The following RALGAPA1 variants were observed in gnomAD, a reference collection of about 807,000 sequenced individuals.
The protein encoded by RALGAPA1 is Ral GTPase activating protein catalytic subunit alpha 1.
RALGAPA1 carries 52 observed loss-of-function variants against 269.6 expected under a neutral mutation model. That is an observed-to-expected ratio of 0.19 (90% CI 0.15 to 0.24). The LOEUF is 0.24. Among genes scored for constraint, RALGAPA1 ranks in the 10% least tolerant of loss-of-function variants. RALGAPA1 has a pLI of 1.00. For missense variants in RALGAPA1, 1,917 were observed against 3,013.9 expected (o/e 0.64, Z 8.52); for synonymous variants, 817 against 1,008.3 (o/e 0.81, Z 3.60).
intron 35 of RALGAPA1, among the ~76,000 whole-genome samples, chr14:35,622,808 A>G (rs1251441619): frequency 6.6e-6 from 1 of 152,236 alleles, no homozygotes; most frequent in Non-Finnish European, 1.5e-5. Flanking sequence ...ATAAAGATCT[A>G]GAAGGACAGG....
intron 12 of RALGAPA1, among the ~76,000 whole-genome samples, chr14:35,736,627 A>G (rs189692674): frequency 1.2e-4 from 19 of 152,312 alleles, no homozygotes; most frequent in African/African-American, 4.3e-4. Flanking sequence ...GGAAGGAATG[A>G]TCTACTCTGT....
At chr14:35,730,190 C>T (rs937635309) in intron 12 of RALGAPA1, among the ~76,000 whole-genome samples, 7 of 152,130 alleles carry the variant, frequency 4.6e-5, no homozygotes, top group Non-Finnish European at 8.8e-5. Flanking sequence ...ATTTAGAGAG[C>T]CGAGGGAAAT....
intron 1 of RALGAPA1, among the ~76,000 whole-genome samples, chr14:35,807,440 A>T (rs1487480675): frequency 1.3e-5 from 2 of 152,198 alleles, no homozygotes; most frequent in South Asian, 2.1e-4. Context: ...CACTGGAATA[A>T]ATACAATTTA....
chr14:35,707,155 G>A (rs1324799425), intron 16 of RALGAPA1: 1 of 152,124 alleles, frequency 6.6e-6, no homozygotes, highest in African/African-American at 2.4e-5. Context: ...GTTCATTGCT[G>A]GTATGGAAGG....
intron 37 of RALGAPA1, among the ~76,000 whole-genome samples, chr14:35,585,160 A>G (rs1448064935): frequency 1.3e-5 from 2 of 152,216 alleles, no homozygotes; most frequent in Admixed American, 1.3e-4. Context: ...ACAACAAAGC[A>G]TCAAAATGCA....
chr14:35,659,079 C>G, intron 28 of RALGAPA1, 59 bp downstream of exon 28: 1 of 1,298,392 alleles, frequency 7.7e-7, no homozygotes, highest in Non-Finnish European at 1.1e-6. Context: ...AAAATTCAGT[C>G]AACTTCTAAA....
intron 17 of RALGAPA1, among the ~76,000 whole-genome samples, chr14:35,694,479 A>G (rs936018413): frequency 4.6e-5 from 7 of 152,144 alleles, no homozygotes; most frequent in South Asian, 2.1e-4. Flanking sequence ...TTAAAATTCT[A>G]TCTTTTTAAG....
intron 32 of RALGAPA1, among the ~76,000 whole-genome samples, chr14:35,635,179 GAA>G (rs59468474): frequency 1.4e-5 from 2 of 145,694 alleles, no homozygotes; most frequent in African/African-American, 2.5e-5. Flanking sequence ...TTCAATAAAA[GAA>G]AAAAAAAAAT....
At chr14:35,552,026 T>C (rs2055062726) in intron 39 of RALGAPA1, among the ~76,000 whole-genome samples, 1 of 152,140 alleles carries the variant, frequency 6.6e-6, no homozygotes, top group African/African-American at 2.4e-5. Flanking sequence ...TCAAACACTG[T>C]TAGCTTGGTA....
chr14:35,759,100 A>G (rs1175340691), intron 6 of RALGAPA1, among the ~76,000 whole-genome samples: 2 of 152,178 alleles, frequency 1.3e-5, no homozygotes, highest in South Asian at 2.1e-4. Flanking sequence ...CTCACTCAAA[A>G]ACAAAACGCA....
intron 17 of RALGAPA1, among the ~76,000 whole-genome samples, chr14:35,694,722 T>C (rs1226035606): frequency 1.3e-5 from 2 of 152,204 alleles, no homozygotes; most frequent in African/African-American, 4.8e-5. Context: ...TTGCTTATGA[T>C]TATGCTATAT....
At chr14:35,642,005 C>A (rs1220354277) in intron 31 of RALGAPA1, among the ~76,000 whole-genome samples, 1 of 152,156 alleles carries the variant, frequency 6.6e-6, no homozygotes, top group Non-Finnish European at 1.5e-5. Context: ...AAAGGACAGT[C>A]TCTTCAATAT....
At chr14:35,716,958 A>T (rs191749694) in intron 16 of RALGAPA1, among the ~76,000 whole-genome samples, 7 of 152,292 alleles carry the variant, frequency 4.6e-5, no homozygotes, top group African/African-American at 1.4e-4. Context: ...CCTTGGCAAC[A>T]AGTGAATATC....
At position 35,736,505 on chromosome 14, in the gene RALGAPA1, G is replaced by A. The variant is rs1408983352; in HGVS notation, c.1587+2008C>T. ...TGGGCACTTCAACATGAAAAGGTCA[G>A]GGCTTTACAGAAAAATCAGTGAAAG... On this transcript the variant is annotated intron_variant, in intron 12 of 41. Transcript: ENST00000680220. Among the ~76,000 whole-genome samples, 4 of 152,058 alleles carry A rather than the reference G, an allele frequency of 2.6e-5. No individual in the cohort carries two copies. The East Asian group carries it at 7.7e-4, about 29-fold the overall frequency.
Position 35,688,812 on chromosome 14 carries a change from G to A in RALGAPA1, c.3599C>T (p.Thr1200Ile). The change falls in exon 18 of 42, where the codon ACA becomes ATA. Residue 1200 changes from threonine (T) to isoleucine (I), a missense_variant. Thr to Ile is a moderately conservative substitution (Grantham distance 89). This residue lies in a region of RALGAPA1 where 615 missense variants were observed against 790.0 expected (regional missense o/e 0.78). Coordinates refer to ENST00000680220, the MANE Select transcript of RALGAPA1 (RefSeq NM_001346249.2). ...NSSTSNTHTS[T>I]NSATELVKPG... is the part of the protein sequence containing the mutation. The stretch of plus-strand genomic sequence containing the variant: ...TTTTACTAGCTCTGTAGCACTATTT[G>A]TGCTGGTATGGGTGTTGCTAGTGCT... 2 of 1,390,280 alleles carry A rather than the reference G, an allele frequency of 1.4e-6. No homozygotes were observed. The highest frequency in any genetic ancestry group is 2.9e-5 in the African/African-American group (2 of 69,382). 86.1% of individuals were successfully genotyped at this position (1,390,280 alleles called of 1,614,324 possible).
intron 41 of RALGAPA1, among the ~76,000 whole-genome samples, chr14:35,540,424 G>GGTTA (rs910208710): frequency 3.3e-5 from 5 of 152,112 alleles, no homozygotes; most frequent in Admixed American, 3.3e-4. Flanking sequence ...TAAGCAAGCA[G>GGTTA]GTAACCAGTA....
chr14:35,604,533 TA>T (rs537131404), intron 36 of RALGAPA1, among the ~76,000 whole-genome samples: 62 of 147,452 alleles, frequency 4.2e-4, no homozygotes, highest in Non-Finnish European at 5.3e-4. Context: ...CACTGAGAAT[TA>T]AAAAAAAAAA....
At chr14:35,740,856 T>G (rs1224109426) in intron 11 of RALGAPA1, among the ~76,000 whole-genome samples, 1 of 152,182 alleles carries the variant, frequency 6.6e-6, no homozygotes, top group East Asian at 1.9e-4. Flanking sequence ...TACAATTATC[T>G]GAATTTATAA....
intron 16 of RALGAPA1, among the ~76,000 whole-genome samples, chr14:35,706,366 C>T (rs1046650632): frequency 6.6e-6 from 1 of 152,144 alleles, no homozygotes; most frequent in Non-Finnish European, 1.5e-5. Context: ...CCAATTGTTA[C>T]AGCACCATGT....
Sources: gnomAD v4.1 joint callset for allele counts (sites outside exome capture counted in the v4.1 genomes callset) on GRCh38, gnomAD v4.1.1 for gene constraint, gnomAD v4.1.1 regional missense constraint, MANE v1.5 for transcripts, NCBI Gene and HGNC (gene_info 2026-07-23, HGNC 2026-07-21) for gene names.